The following CTNNA3 variants were observed in gnomAD, a reference collection of about 807,000 sequenced individuals.
CTNNA3 encodes catenin alpha 3, also known as catenin alpha-3.
Under a neutral mutation model 95.7 loss-of-function variants are expected in CTNNA3, and 76 were observed. The ratio of observed to expected loss-of-function variants is 0.79; its 90% CI spans 0.66 to 0.96. The LOEUF (loss-of-function observed/expected upper bound fraction) is 0.96. Ranked by LOEUF, CTNNA3 falls within the 40% of genes least tolerant of loss-of-function variation. CTNNA3 has a pLI of 0.00. For synonymous variants in CTNNA3, 431 were observed against 374.4 expected, an observed-to-expected ratio of 1.15 and a Z score of -1.74; for missense variants, 1,191 against 1,089.8, an observed-to-expected ratio of 1.09 and a Z score of -1.31.
At chr10:66,124,534 T>G (rs2082727413) in intron 13 of CTNNA3, among the ~76,000 whole-genome samples, 2 of 152,246 alleles carry the variant, frequency 1.3e-5, no homozygotes, top group Admixed American at 1.3e-4. Flanking sequence ...CAGGTATCTT[T>G]TCAGCAGCAC....
chr10:66,422,198 A>T (rs753239542), intron 11 of CTNNA3, among the ~76,000 whole-genome samples: 8 of 152,128 alleles, frequency 5.3e-5, no homozygotes, highest in Non-Finnish European at 8.8e-5. Context: ...TTTAGTTACA[A>T]TCAATGACTT....
intron 7 of CTNNA3, among the ~76,000 whole-genome samples, chr10:67,019,204 T>A (rs977551304): frequency 6.6e-6 from 1 of 152,210 alleles, no homozygotes; most frequent in Non-Finnish European, 1.5e-5. Flanking sequence ...CCACTTTTCT[T>A]TTTTTAATTT....
chr10:66,430,176 C>A (rs9415849), intron 11 of CTNNA3, among the ~76,000 whole-genome samples: 12,142 of 148,100 alleles, frequency 0.082, 911 homozygotes, highest in African/African-American at 0.2. Context: ...GAATGAAATA[C>A]CTAGGAATCC....
chr10:66,481,051 AAGG>A (rs1258229444), intron 11 of CTNNA3, among the ~76,000 whole-genome samples: 1 of 152,236 alleles, frequency 6.6e-6, no homozygotes, highest in African/African-American at 2.4e-5. Context: ...TGAGTAAATA[AAGG>A]AGAACACCAA....
At chr10:67,277,934 A>T (rs941811138) in intron 5 of CTNNA3, among the ~76,000 whole-genome samples, 6 of 152,146 alleles carry the variant, frequency 3.9e-5, no homozygotes, top group Non-Finnish European at 7.4e-5. Flanking sequence ...TATAATCAAG[A>T]AATAACTATA....
chr10:67,276,588 G>T (rs1839187563), intron 5 of CTNNA3, among the ~76,000 whole-genome samples: 4 of 151,922 alleles, frequency 2.6e-5, no homozygotes, highest in Admixed American at 2.6e-4. Flanking sequence ...ATTCTATGGG[G>T]CAATGTGTGA....
chr10:66,195,681 G>C (rs2086918543), intron 13 of CTNNA3, among the ~76,000 whole-genome samples: 1 of 152,182 alleles, frequency 6.6e-6, no homozygotes, highest in South Asian at 2.1e-4. Flanking sequence ...ATGGAAAGCT[G>C]TCAACAGGAG....
intron 5 of CTNNA3, among the ~76,000 whole-genome samples, chr10:67,459,312 T>G (rs1005331511): frequency 7.9e-5 from 12 of 152,312 alleles, no homozygotes; most frequent in Middle Eastern, 3.4e-3. Flanking sequence ...AATCCAAGGC[T>G]GATGTATTCA....
chr10:66,981,641 A>C (rs538000110), intron 7 of CTNNA3, among the ~76,000 whole-genome samples: 6 of 152,354 alleles, frequency 3.9e-5, no homozygotes, highest in Middle Eastern at 3.4e-3. Context: ...ACAATATTGC[A>C]CATATTGAAT....
At chr10:66,122,973 G>A (rs1228657370) in intron 13 of CTNNA3, among the ~76,000 whole-genome samples, 2 of 152,088 alleles carry the variant, frequency 1.3e-5, no homozygotes, top group Non-Finnish European at 2.9e-5. Context: ...AGATTTGGTT[G>A]GGGACACAGC....
intron 5 of CTNNA3, among the ~76,000 whole-genome samples, chr10:67,320,907 T>C (rs987663999): frequency 6.6e-6 from 1 of 152,194 alleles, no homozygotes; most frequent in South Asian, 2.1e-4. Flanking sequence ...AATCCTAAAG[T>C]AGTTATTTTA....
At chr10:67,381,953 T>C (rs1379673997) in intron 5 of CTNNA3, among the ~76,000 whole-genome samples, 1 of 152,182 alleles carries the variant, frequency 6.6e-6, no homozygotes, top group Non-Finnish European at 1.5e-5. Flanking sequence ...TACATGTACA[T>C]TGGAAGTTCT....
chr10:66,608,062 C>T (rs1034513517), intron 10 of CTNNA3, among the ~76,000 whole-genome samples: 15 of 152,044 alleles, frequency 9.9e-5, no homozygotes, highest in African/African-American at 3.6e-4. Flanking sequence ...ACAGTCTCAG[C>T]TCAAAAACTT....
chr10:66,640,932 T>C (rs762278287), intron 9 of CTNNA3, among the ~76,000 whole-genome samples: 2 of 152,096 alleles, frequency 1.3e-5, no homozygotes, highest in African/African-American at 2.4e-5. Context: ...AATGAACGCA[T>C]GCTAGCAATC....
At chr10:66,172,682 A>G (rs1192551425) in intron 13 of CTNNA3, among the ~76,000 whole-genome samples, 1 of 152,154 alleles carries the variant, frequency 6.6e-6, no homozygotes, top group Non-Finnish European at 1.5e-5. Context: ...AATCACCTTC[A>G]GAAGAATTCA....
At chr10:67,412,264 T>C (rs1430294376) in intron 5 of CTNNA3, among the ~76,000 whole-genome samples, 1 of 152,156 alleles carries the variant, frequency 6.6e-6, no homozygotes, top group Non-Finnish European at 1.5e-5. Flanking sequence ...TGCATGTCTT[T>C]GCCTTCTTGT....
At position 66,680,028 on chromosome 10, in the gene CTNNA3, C is replaced by T. The variant is rs1342237154; in HGVS notation, c.1282-58244G>A. On this transcript the variant is annotated intron_variant, in intron 9 of 17. Transcript: ENST00000433211. ...GTATCTTTTTTTTGACACGGATTCTCTGTCACCAGGCTGGAGTGCAGTAGC... is the reference window on the plus strand; with the variant it reads ...GTATCTTTTTTTTGACACGGATTCTTTGTCACCAGGCTGGAGTGCAGTAGC... Among the ~76,000 whole-genome samples the T allele has an allele frequency of 2.6e-5, 4 of 152,062 alleles. No individual in the cohort carries two copies. In the South Asian group the frequency reaches 8.3e-4, roughly 32 times the overall value.
chr10:66,090,704 A>G (rs559757835), intron 14 of CTNNA3, among the ~76,000 whole-genome samples: 2 of 152,136 alleles, frequency 1.3e-5, no homozygotes, highest in Middle Eastern at 3.4e-3. Flanking sequence ...GTTTCTTACA[A>G]GTACATGACT....
chr10:66,000,635 G>C (rs763220337), intron 15 of CTNNA3, among the ~76,000 whole-genome samples: 1 of 151,698 alleles, frequency 6.6e-6, no homozygotes, highest in African/African-American at 2.4e-5. Flanking sequence ...ATAACATAGC[G>C]GTTGATTTTA....
Sources: gnomAD v4.1 joint callset for allele counts (sites outside exome capture counted in the v4.1 genomes callset) on GRCh38, gnomAD v4.1.1 for gene constraint, MANE v1.5 for transcripts, NCBI Gene and HGNC (gene_info 2026-07-23, HGNC 2026-07-21) for gene names.